The following SIK3 variants were observed in gnomAD, a reference collection of about 807,000 sequenced individuals.
SIK3 encodes SIK family kinase 3.
Under a neutral mutation model 144.2 loss-of-function variants are expected in SIK3, and 28 were observed. The observed-to-expected ratio is 0.19, with a 90% CI of 0.14 to 0.27. The LOEUF (loss-of-function observed/expected upper bound fraction) is 0.27. Among genes scored for constraint, SIK3 ranks in the 10% least tolerant of loss-of-function variants. SIK3 has a pLI of 1.00. For synonymous variants in SIK3, 686 were observed against 676.3 expected (o/e 1.01, Z -0.22); for missense variants, 1,319 against 1,776.0 (o/e 0.74, Z 4.62).
intron 4 of SIK3, among the ~76,000 whole-genome samples, chr11:116,905,968 A>T (rs575280285): frequency 4.6e-4 from 70 of 152,228 alleles, no homozygotes; most frequent in Non-Finnish European, 6.3e-4. Flanking sequence ...GATGAGGTCC[A>T]ACTTATCTGT....
Position 116,858,531 on chromosome 11 carries a change from G to A in SIK3, c.2934C>T (p.Thr978=). The change falls in exon 21 of 25, where the codon ACC becomes ACT. Residue 978 remains threonine (T), a synonymous_variant. Transcript: ENST00000445177. This position sits in a 1 kb window ranked among gnomAD's most constrained non-coding sequence, Gnocchi z 5.4. ...GCTGCTGATGTGCACTGGGAGGGAA[G>A]GTGGGGAATTGGTCAAGTGGAGGGA... The part of the protein sequence containing the change: ...LKVPPLDQFP[T]FPPSAHQQPP... 2 of 1,613,108 alleles carry A rather than the reference G, an allele frequency of 1.2e-6. No homozygotes were observed. The highest frequency in any genetic ancestry group is 1.7e-6 in the Non-Finnish European group (2 of 1,179,630).
At chr11:116,961,007 CAACTGG>C (rs1208666149) in intron 1 of SIK3, among the ~76,000 whole-genome samples, 1 of 152,192 alleles carries the variant, frequency 6.6e-6, no homozygotes, top group African/African-American at 2.4e-5. Flanking sequence ...CATTCAGAAC[CAACTGG>C]CTGCCGCCAG....
At chr11:117,033,483 C>T (rs1196541318) in intron 1 of SIK3, among the ~76,000 whole-genome samples, 4 of 151,912 alleles carry the variant, frequency 2.6e-5, no homozygotes, top group East Asian at 1.9e-4. Context: ...AGGTGGATCA[C>T]GAGGTCAAGA....
intron 1 of SIK3, among the ~76,000 whole-genome samples, chr11:116,961,653 A>T (rs1306849110): frequency 6.6e-6 from 1 of 152,132 alleles, no homozygotes; most frequent in East Asian, 1.9e-4. Flanking sequence ...AAAGCAGAAA[A>T]CTTCCAACAT....
intron 4 of SIK3, among the ~76,000 whole-genome samples, chr11:116,920,603 G>C (rs1300926299): frequency 6.6e-6 from 1 of 152,190 alleles, no homozygotes; most frequent in Non-Finnish European, 1.5e-5. Flanking sequence ...ATCAGTGTCT[G>C]CAACTGACAG....
Position 116,849,955 on chromosome 11 carries a change from A to T in SIK3, c.3656-672T>A, listed in dbSNP as rs1443750488. Reference sequence around the variant, plus strand: ...ATCTTTCCCTGGATATCTAACCAGCATGTAACACTTACCATGTCCAATTCC... The same window carrying T: ...ATCTTTCCCTGGATATCTAACCAGCTTGTAACACTTACCATGTCCAATTCC... On this transcript the variant is annotated intron_variant, in intron 21 of 24. Coordinates refer to ENST00000445177, the MANE Select transcript of SIK3 (RefSeq NM_001366686.3). This position sits in a 1 kb window ranked among gnomAD's most constrained non-coding sequence, Gnocchi z 4.2. Among the ~76,000 whole-genome samples, 1 of 152,206 alleles carries T rather than the reference A, an allele frequency of 6.6e-6. No individual in the cohort carries two copies. Among genetic ancestry groups the T allele is most frequent in the Non-Finnish European group, 1.5e-5 (1 of 68,030 alleles).
chr11:116,859,748 A>G, intron 19 of SIK3, 144 bp from the exon 20 acceptor site: 1 of 687,938 alleles, frequency 1.5e-6, no homozygotes, highest in Non-Finnish European at 2.4e-6. Flanking sequence ...AAGTCTGGAG[A>G]ACTTGTTAAA....
chr11:116,917,280 T>TAA (rs1177258795), intron 4 of SIK3, among the ~76,000 whole-genome samples: 1 of 152,170 alleles, frequency 6.6e-6, no homozygotes, highest in Non-Finnish European at 1.5e-5. Context: ...TAAACGTTCT[T>TAA]AGAGTTCCTA....
chr11:116,996,735 G>A (rs1441374625), intron 1 of SIK3, among the ~76,000 whole-genome samples: 4 of 144,612 alleles, frequency 2.8e-5, no homozygotes, highest in African/African-American at 5.2e-5. Flanking sequence ...CATAGGAATC[G>A]CTTGAACTCG....
intron 1 of SIK3, among the ~76,000 whole-genome samples, chr11:117,030,794 G>A (rs564017446): frequency 1.9e-4 from 29 of 152,140 alleles, no homozygotes; most frequent in Admixed American, 1.8e-3. Context: ...CCTCAACCTC[G>A]CAAAGTACTA....
intron 3 of SIK3, among the ~76,000 whole-genome samples, chr11:116,933,828 G>A (rs147012919): frequency 1.3e-5 from 2 of 152,104 alleles, no homozygotes; most frequent in African/African-American, 4.8e-5. Context: ...AAAACCTCCG[G>A]ATGGGTTCCC....
chr11:116,955,881 G>C (rs1949119733), intron 2 of SIK3, among the ~76,000 whole-genome samples: 2 of 151,820 alleles, frequency 1.3e-5, no homozygotes, highest in South Asian at 4.2e-4. Context: ...TAACGCTGTA[G>C]TTTTAACCAC....
intron 1 of SIK3, among the ~76,000 whole-genome samples, chr11:117,056,386 G>A (rs61903393): frequency 0.061 from 9,299 of 152,060 alleles, 415 homozygotes; most frequent in Non-Finnish European, 0.099. Context: ...GAGGTGGAGG[G>A]AGTGGGGAGG....
chr11:117,059,278 C>T (rs149295291), intron 1 of SIK3, among the ~76,000 whole-genome samples: 1 of 152,098 alleles, frequency 6.6e-6, no homozygotes, highest in African/African-American at 2.4e-5. Context: ...TACAAAATCA[C>T]AGAGTAAGAG....
chr11:117,048,454 C>A (rs927253513), intron 1 of SIK3, among the ~76,000 whole-genome samples: 1 of 151,820 alleles, frequency 6.6e-6, no homozygotes, highest in Admixed American at 6.6e-5. Flanking sequence ...GTTGGGAGTT[C>A]GAGACCAGCC....
intron 6 of SIK3, among the ~76,000 whole-genome samples, chr11:116,883,657 G>A (rs918805535): frequency 3.3e-5 from 5 of 152,146 alleles, no homozygotes; most frequent in African/African-American, 1.2e-4. Flanking sequence ...ATTTGGGCCC[G>A]GCATGGTGGC....
At chr11:116,878,184 A>G (rs1591447656) in intron 6 of SIK3, among the ~76,000 whole-genome samples, 2 of 152,164 alleles carry the variant, frequency 1.3e-5, no homozygotes, top group Non-Finnish European at 2.9e-5. Context: ...ACACGCTGCA[A>G]AAGTCTCCTA....
intron 1 of SIK3, among the ~76,000 whole-genome samples, chr11:116,980,626 G>T (rs1282526925): frequency 6.6e-6 from 1 of 152,144 alleles, no homozygotes. Flanking sequence ...GCCGAAGTGG[G>T]CAGATCACTT....
intron 1 of SIK3, among the ~76,000 whole-genome samples, chr11:117,083,883 C>G (rs1954894274): frequency 6.6e-6 from 1 of 152,174 alleles, no homozygotes; most frequent in African/African-American, 2.4e-5. Context: ...AGATATAAAC[C>G]TCTTAAACTA....
Sources: gnomAD v4.1 joint callset for allele counts (sites outside exome capture counted in the v4.1 genomes callset) on GRCh38, gnomAD v4.1.1 for gene constraint, Gnocchi (gnomAD v3.1) non-coding constraint, MANE v1.5 for transcripts, NCBI Gene and HGNC (gene_info 2026-07-23, HGNC 2026-07-21) for gene names.